The following SYNM variants were observed in gnomAD, a reference collection of about 807,000 sequenced individuals.
The protein encoded by SYNM is desmuslin.
In SYNM, 95 loss-of-function variants were observed where a neutral mutation model predicts 104.0. The ratio of observed to expected loss-of-function variants is 0.91; its 90% CI spans 0.77 to 1.08. The LOEUF (loss-of-function observed/expected upper bound fraction) is 1.08, where lower values mean the gene tolerates loss of function less well. Among genes scored for constraint, SYNM ranks in the 50% least tolerant of loss-of-function variants. The pLI, the probability that SYNM is intolerant of heterozygous loss-of-function variation, is 0.00. For synonymous variants in SYNM, 918 were observed against 869.0 expected (o/e 1.06, Z -0.99); for missense variants, 2,150 against 2,052.2 (o/e 1.05, Z -0.92).
Position 99,132,986 on chromosome 15 carries a change from T to G in SYNM, c.4626T>G (p.Ile1542Met). 1 of 1,613,742 alleles carries G rather than the reference T, an allele frequency of 6.2e-7. No homozygotes were observed. Among genetic ancestry groups the G allele is most frequent in the Non-Finnish European group, 8.5e-7 (1 of 1,179,848 alleles). The change falls in exon 4 of 4, where the codon ATT becomes ATG. Residue 1542 changes from isoleucine to methionine, a missense_variant. Physicochemically the swap from Ile to Met is conservative, Grantham distance 10. Transcript: ENST00000336292. Reference sequence around the variant, plus strand: ...GAATGGTAGACCAAAGGTCGGTGATTTCAGATGAAAAGAAAGTTGCCCTCC... The same window carrying G: ...GAATGGTAGACCAAAGGTCGGTGATGTCAGATGAAAAGAAAGTTGCCCTCC... ...LQRMVDQRSV[I>M]SDEKKVALLY...
Position 99,105,506 on chromosome 15 carries a change from C to A in SYNM, c.307C>A (p.Arg103Ser). ...GCTGCAGCGCCTGGATGCGGAGGAG[C>A]GCGCCGCCCGCGGCCGCCTGGACGC... is the stretch of plus-strand genomic sequence containing the variant. ...RELQRLDAEERAARGRLDAEL... is the reference protein window; with the variant it reads ...RELQRLDAEESAARGRLDAEL... Residue 103 changes from arginine to serine, a missense_variant, in exon 1 of 4, where the codon CGC (arginine) becomes AGC (serine). By Grantham distance (110) the Arg-to-Ser change is moderately radical (BLOSUM62 -1). Transcript: ENST00000336292. 1 of 1,278,510 alleles carries A rather than the reference C, an allele frequency of 7.8e-7. No individual in the cohort carries two copies. The highest frequency in any genetic ancestry group is 9.8e-7 in the Non-Finnish European group (1 of 1,016,330). The allele number at this position is 1,278,510 out of a possible 1,614,324, so 79.2% of individuals were successfully genotyped here.
chr15:99,113,811 C>CA, intron 2 of SYNM, 96 bp downstream of exon 2: 1 of 1,507,360 alleles, frequency 6.6e-7, no homozygotes, highest in Non-Finnish European at 8.9e-7. Flanking sequence ...TTTGTGGAGT[C>CA]ACTGTGGCTT....
intron 2 of SYNM, among the ~76,000 whole-genome samples, chr15:99,120,345 A>G (rs1213309992): frequency 2.0e-5 from 3 of 152,162 alleles, no homozygotes; most frequent in South Asian, 2.1e-4. Context: ...TGAAGAGGCA[A>G]TGCTTGATTC....
In SYNM at chr15:99,105,299, C is replaced by G. The variant is rs1555482348; in HGVS notation, c.100C>G (p.Arg34Gly). 17 of 1,549,554 alleles carry G rather than the reference C, an allele frequency of 1.1e-5. No individual in the cohort carries two copies. Among genetic ancestry groups the G allele is most frequent in the Non-Finnish European group, 1.5e-5 (17 of 1,148,078 alleles). ...DYVCRVRELE[R>G]ENLLLEEELR... ...CGTGTGTCGGGTGCGGGAGCTGGAG[C>G]GCGAAAACCTACTCCTGGAGGAGGA... Residue 34 changes from arginine to glycine, a missense_variant, in exon 1 of 4, where the codon CGC (arginine) becomes GGC (glycine). Physicochemically the swap from Arg to Gly is moderately radical, Grantham distance 125. Coordinates refer to ENST00000336292, the MANE Select transcript of SYNM (RefSeq NM_145728.3).
chr15:99,116,556 G>A (rs73476402), intron 2 of SYNM, among the ~76,000 whole-genome samples: 5,924 of 143,944 alleles, frequency 0.041, 759 homozygotes, highest in African/African-American at 0.14. Flanking sequence ...TCGTGGTGCT[G>A]GCATCTGCTC....
At chr15:99,139,700 G>A, downstream of SYNM, 5 of 1,373,652 alleles carry the variant, frequency 3.6e-6, no homozygotes, top group Non-Finnish European at 4.8e-6. Flanking sequence ...ACTGACCAGA[G>A]GATGGGCTCC....
chr15:99,112,252 T>G (rs1282338090), intron 1 of SYNM, among the ~76,000 whole-genome samples: 1 of 152,222 alleles, frequency 6.6e-6, no homozygotes, highest in Non-Finnish European at 1.5e-5. Context: ...TGTTTATAGG[T>G]CTAGCTTAGT....
chr15:99,141,660 T>C, the SYNM span, among the ~76,000 whole-genome samples: 23 of 152,362 alleles, frequency 1.5e-4, no homozygotes, highest in African/African-American at 5.5e-4. Flanking sequence ...TTATTCATTC[T>C]GATCTGCCAA....
intron 2 of SYNM, among the ~76,000 whole-genome samples, chr15:99,121,698 A>ACACACTCAG (rs1441075336): frequency 6.6e-6 from 1 of 152,216 alleles, no homozygotes; most frequent in African/African-American, 2.4e-5. Context: ...TTCCCCATAC[A>ACACACTCAG]CACACTCAGC....
At chr15:99,112,774 G>T (rs2067310971) in intron 1 of SYNM, among the ~76,000 whole-genome samples, 1 of 152,190 alleles carries the variant, frequency 6.6e-6, no homozygotes, top group African/African-American at 2.4e-5. Flanking sequence ...GCAGTGGCAT[G>T]ATCTTGGCTC....
At chr15:99,140,965 A>G in the SYNM span, 5 of 152,226 alleles carry the variant, frequency 3.3e-5, no homozygotes, top group Non-Finnish European at 7.3e-5. Context: ...AGATTATTCA[A>G]AGAGTTGAAA....
At chr15:99,121,011 TGAGAA>T (rs1477816439) in intron 2 of SYNM, among the ~76,000 whole-genome samples, 2 of 151,832 alleles carry the variant, frequency 1.3e-5, no homozygotes, top group Admixed American at 1.3e-4. Context: ...ACTGAGGTGA[TGAGAA>T]GAGATTTGCA....
In SYNM at chr15:99,131,265, T is replaced by C; in HGVS notation, c.2905T>C (p.Ser969Pro). The C allele has an allele frequency of 6.2e-7, 1 of 1,610,708 alleles. No homozygotes were observed. Among genetic ancestry groups the C allele is most frequent in the Non-Finnish European group, 8.5e-7 (1 of 1,178,812 alleles). Residue 969 changes from serine (S) to proline (P), a missense_variant, in exon 4 of 4, where the codon TCC becomes CCC. By Grantham distance (74) the Ser-to-Pro change is moderately conservative (BLOSUM62 -1). Transcript: ENST00000336292. The surrounding 1 kb of genome is among the most constrained non-coding windows in gnomAD (Gnocchi z 4.3). ...TLPERMREEL[S>P]ALTREGQGGP... The stretch of plus-strand genomic sequence containing the variant: ...TCCCGAGCGCATGAGGGAGGAGCTG[T>C]CCGCCCTCACCAGAGAGGGGCAGGG...
chr15:99,109,956 G>A (rs1168245454), intron 1 of SYNM, among the ~76,000 whole-genome samples: 2 of 152,160 alleles, frequency 1.3e-5, no homozygotes, highest in Non-Finnish European at 2.9e-5. Context: ...GCCTGGCTGT[G>A]GCTTAGTGGA....
Position 99,130,504 on chromosome 15 carries a change from TG to T in SYNM, c.2148del (p.Leu717Ter). 2 of 1,613,766 alleles carry T rather than the reference TG, an allele frequency of 1.2e-6. No individual in the cohort carries two copies. The highest frequency in any genetic ancestry group is 1.7e-6 in the Non-Finnish European group (2 of 1,179,864). ...DYLLSKDIKEVGLKGKSAEQM... is the reference protein window; with the variant it reads ...DYLLSKDIKEXGLKGKSAEQM... Reference sequence around the variant, plus strand: ...CTTTTAAGCAAGGATATTAAGGAAGTGGGGCTGAAAGGCAAGTCAGCCGAGC... The same window carrying T: ...CTTTTAAGCAAGGATATTAAGGAAGTGGGCTGAAAGGCAAGTCAGCCGAGC... On this transcript the variant is annotated frameshift_variant, in exon 4 of 4. Coordinates refer to ENST00000336292, the MANE Select transcript of SYNM (RefSeq NM_145728.3). LOFTEE classifies it high-confidence loss of function.
In SYNM at chr15:99,132,706, G is replaced by C; in HGVS notation, c.4346G>C (p.Arg1449Thr). The change falls in exon 4 of 4, where the codon AGG becomes ACG. Residue 1449 changes from arginine to threonine, a missense_variant. By Grantham distance (71) the Arg-to-Thr change is moderately conservative. Transcript: ENST00000336292. ...GKLADSSRTL[R>T]HIAPGPKETS... ...TTAGCAGACAGCAGCAGAACGCTAA[G>C]GCACATTGCACCAGGGCCCAAAGAA... 1 of 1,614,020 alleles carries C rather than the reference G, an allele frequency of 6.2e-7. No individual in the cohort carries two copies. The highest frequency in any genetic ancestry group is 8.5e-7 in the Non-Finnish European group (1 of 1,179,894).
intron 2 of SYNM, among the ~76,000 whole-genome samples, chr15:99,124,034 C>G (rs1030558821): frequency 1.9e-4 from 29 of 152,242 alleles, no homozygotes; most frequent in African/African-American, 5.8e-4. Flanking sequence ...TTTTCTTGCA[C>G]TTTTGCTTAT....
chr15:99,109,624 C>G (rs2067282389), intron 1 of SYNM, among the ~76,000 whole-genome samples: 1 of 152,124 alleles, frequency 6.6e-6, no homozygotes, highest in Non-Finnish European at 1.5e-5. Context: ...ATTTGTGAAA[C>G]GAGGTACTGG....
rs1596113756 is a variant in SYNM at position 99,105,939 on chromosome 15, T to TGC, written c.748_749dup (p.Leu251GlyfsTer23). The TGC allele has an allele frequency of 7.9e-6, 12 of 1,525,120 alleles. No individual in the cohort carries two copies. The East Asian group carries it at 2.5e-4, about 32-fold the overall frequency. 94.5% of individuals were successfully genotyped at this position (1,525,120 alleles called of 1,614,324 possible). A position where few individuals can be genotyped will look rare whatever the true frequency, so the allele number is the denominator to read the frequency against. On this transcript the variant is annotated frameshift_variant, in exon 1 of 4. Coordinates refer to ENST00000336292, the MANE Select transcript of SYNM (RefSeq NM_145728.3). LOFTEE classifies it high-confidence loss of function. ...CGCGAGGCGCTCGGGTTGGAGCAGCTGCGCGCGCGGCTGGAGGACGCGCTG... is the reference window on the plus strand; with the variant it reads ...CGCGAGGCGCTCGGGTTGGAGCAGCTGCGCGCGCGCGGCTGGAGGACGCGCTG...
Sources: gnomAD v4.1 joint callset for allele counts (sites outside exome capture counted in the v4.1 genomes callset) on GRCh38, gnomAD v4.1.1 for gene constraint, Gnocchi (gnomAD v3.1) non-coding constraint, MANE v1.5 for transcripts, NCBI Gene and HGNC (gene_info 2026-07-23, HGNC 2026-07-21) for gene names.